The following ATL2 variants were observed in gnomAD, a reference collection of about 807,000 sequenced individuals.
ATL2 encodes atlastin GTPase 2.
ATL2 carries 31 observed loss-of-function variants against 73.9 expected under a neutral mutation model. That is an observed-to-expected ratio of 0.42 (90% CI 0.32 to 0.57). ATL2 has a LOEUF of 0.57. Among genes scored for constraint, ATL2 ranks in the 20% least tolerant of loss-of-function variants. The probability of loss-of-function intolerance (pLI) is 0.14; values close to 1 mark genes in which losing one functional copy is unlikely to be tolerated. For missense variants in ATL2, 738 were observed against 702.6 expected (o/e 1.05, Z -0.57); for synonymous variants, 291 against 237.5 (o/e 1.23, Z -2.07).
chr2:38,318,707 T>C (rs2148436738), intron 3 of ATL2, 68 bp from the exon 4 acceptor site: 1 of 1,397,258 alleles, frequency 7.2e-7, no homozygotes, highest in East Asian at 2.3e-5. Context: ...AAAAATCAAA[T>C]GATAAATTTG....
Position 38,298,481 on chromosome 2 carries a change from A to G in ATL2, c.1295T>C (p.Val432Ala), listed in dbSNP as rs758975947. ...KEVAIKQFRS[V>A]KKMGGDEFCR... ...GAACTCATCTCCACCCATCTTTTTT[A>G]CTGAACGAAATTGTTTTATCGCCAC... The change falls in exon 12 of 13, where the codon GTA becomes GCA. Residue 432 changes from valine (V) to alanine (A), a missense_variant. Transcript: ENST00000378954. The G allele has an allele frequency of 6.2e-7, 1 of 1,614,178 alleles. No individual in the cohort carries two copies. Among genetic ancestry groups the G allele is most frequent in the Non-Finnish European group, 8.5e-7 (1 of 1,179,998 alleles).
chr2:38,328,997 G>A (rs1349167829), intron 2 of ATL2, among the ~76,000 whole-genome samples: 1 of 151,044 alleles, frequency 6.6e-6, no homozygotes, highest in Non-Finnish European at 1.5e-5. Flanking sequence ...CTAATTCCTT[G>A]AACATTAAAA....
intron 1 of ATL2, among the ~76,000 whole-genome samples, chr2:38,369,644 C>A (rs1051019542): frequency 6.6e-6 from 1 of 151,532 alleles, no homozygotes; most frequent in Non-Finnish European, 1.5e-5. Context: ...CCCAGCTACT[C>A]AGGAGACTAA....
At position 38,294,091 on chromosome 2, in the gene ATL2, G is replaced by A. The variant is rs1043483741; in HGVS notation, c.*1903C>T. On this transcript the variant is annotated 3_prime_UTR_variant, in exon 13 of 13. Coordinates refer to ENST00000378954, the MANE Select transcript of ATL2 (RefSeq NM_001135673.4). ...AGAAATAAAAAGACACTTTTCAGGT[G>A]GATTCTTTAAGAACAGATAAGTTAG... Among the ~76,000 whole-genome samples, 21 of 152,126 alleles carry A rather than the reference G, an allele frequency of 1.4e-4. No homozygotes were observed. The highest frequency in any genetic ancestry group is 4.8e-4 in the African/African-American group (20 of 41,414).
At position 38,336,261 on chromosome 2, in the gene ATL2, G is replaced by A. The variant is rs77277108; in HGVS notation, c.363+7007C>T. On this transcript the variant is annotated intron_variant, in intron 2 of 12. Coordinates refer to ENST00000378954, the MANE Select transcript of ATL2 (RefSeq NM_001135673.4). ...TATTTGTGCTTGTGGCAAGTTATATGTAGCAGTGCGTATGATTCTTAAAGA... is the reference window on the plus strand; with the variant it reads ...TATTTGTGCTTGTGGCAAGTTATATATAGCAGTGCGTATGATTCTTAAAGA... Among the ~76,000 whole-genome samples the A allele has an allele frequency of 4.2e-3, 642 of 152,350 alleles. 9 individuals carry two copies. Among genetic ancestry groups the A allele is most frequent in the Middle Eastern group, 0.01 (3 of 294 alleles).
intron 2 of ATL2, among the ~76,000 whole-genome samples, chr2:38,321,032 G>A (rs975569818): frequency 1.3e-5 from 2 of 151,832 alleles, no homozygotes; most frequent in Non-Finnish European, 2.9e-5. Context: ...GCACATGCCT[G>A]TAATCCCAGC....
At chr2:38,341,029 C>T (rs1306802233) in intron 2 of ATL2, among the ~76,000 whole-genome samples, 1 of 152,156 alleles carries the variant, frequency 6.6e-6, no homozygotes, top group South Asian at 2.1e-4. Flanking sequence ...TCTGAACAGC[C>T]ACTACTAACT....
At chr2:38,367,479 G>A (rs1472869261) in intron 1 of ATL2, among the ~76,000 whole-genome samples, 6 of 149,220 alleles carry the variant, frequency 4.0e-5, no homozygotes, top group East Asian at 2.1e-4. Context: ...GGTGGCGGGC[G>A]CCTGTAGTCC....
At chr2:38,306,229 T>C (rs1667439916) in intron 9 of ATL2, among the ~76,000 whole-genome samples, 1 of 152,100 alleles carries the variant, frequency 6.6e-6, no homozygotes, top group Non-Finnish European at 1.5e-5. Flanking sequence ...CAATAACAAG[T>C]AACGAGATCA....
intron 1 of ATL2, among the ~76,000 whole-genome samples, chr2:38,375,281 T>C (rs1671897910): frequency 6.6e-6 from 1 of 152,172 alleles, no homozygotes; most frequent in East Asian, 1.9e-4. Flanking sequence ...TAAACACAAA[T>C]CCTACCAAGC....
In ATL2 at chr2:38,301,398, C is replaced by A. The variant is rs192519844; in HGVS notation, c.1072-1070G>T. On this transcript the variant is annotated intron_variant, in intron 9 of 12. Coordinates refer to ENST00000378954, the MANE Select transcript of ATL2 (RefSeq NM_001135673.4). ...AATTGACAACTATCTACATAAAAAA[C>A]CACCTTCATAAGAACCAAAAATCAG... Among the ~76,000 whole-genome samples the A allele has an allele frequency of 2.0e-4, 31 of 152,328 alleles. No individual in the cohort carries two copies. The East Asian group carries it at 5.2e-3, about 26-fold the overall frequency.
At chr2:38,332,885 T>C (rs1669080942) in intron 2 of ATL2, among the ~76,000 whole-genome samples, 1 of 152,106 alleles carries the variant, frequency 6.6e-6, no homozygotes, top group Non-Finnish European at 1.5e-5. Flanking sequence ...GGAAAGAAAT[T>C]TGTGAGAACA....
At chr2:38,326,739 G>A (rs1668683891) in intron 2 of ATL2, among the ~76,000 whole-genome samples, 1 of 152,172 alleles carries the variant, frequency 6.6e-6, no homozygotes, top group South Asian at 2.1e-4. Context: ...TATAATCCCA[G>A]CACTCGGGGA....
At chr2:38,349,625 CACTA>C (rs1558439195) in intron 1 of ATL2, among the ~76,000 whole-genome samples, 1 of 150,586 alleles carries the variant, frequency 6.6e-6, no homozygotes, top group East Asian at 1.9e-4. Context: ...ATACATATGT[CACTA>C]ACCTGCACAT....
In ATL2 at chr2:38,296,096, A is replaced by C; in HGVS notation, c.1650T>G (p.Gly550=). The change falls in exon 13 of 13, where the codon GGT becomes GGG. Residue 550 remains glycine (G), a synonymous_variant. Coordinates refer to ENST00000378954, the MANE Select transcript of ATL2 (RefSeq NM_001135673.4). ...TTATGTTTTCCTCCATCAAATTATC[A>C]CCCAGGGGCTTCAATACCTGTGGTA... ...TLWEQVLKPL[G]DNLMEENIRQ... The C allele has an allele frequency of 6.4e-7, 1 of 1,551,244 alleles. No individual in the cohort carries two copies.
chr2:38,308,047 G>A (rs1361369423), intron 9 of ATL2, among the ~76,000 whole-genome samples: 1 of 152,154 alleles, frequency 6.6e-6, no homozygotes, highest in Non-Finnish European at 1.5e-5. Flanking sequence ...ACAGTTTGGG[G>A]GTTCCTCAAA....
At position 38,318,540 on chromosome 2, in the gene ATL2, C is replaced by A; in HGVS notation, c.598G>T (p.Val200Phe). The change falls in exon 4 of 13, where the codon GTC (valine) becomes TTC (phenylalanine). Residue 200 changes from valine (V) to phenylalanine (F), a missense_variant. Transcript: ENST00000378954. ...CACTTAATCTTGTGTCTCACCTGGA[C>A]AGAGCTAGTCATAGTGCTCAGAGCA... ...VFALSTMTSSVQVYNLSQNIQ... is the reference protein window; with the variant it reads ...VFALSTMTSSFQVYNLSQNIQ... 1 of 1,590,482 alleles carries A rather than the reference C, an allele frequency of 6.3e-7. No homozygotes were observed. The highest frequency in any genetic ancestry group is 8.5e-7 in the Non-Finnish European group (1 of 1,172,514).
intron 2 of ATL2, among the ~76,000 whole-genome samples, chr2:38,338,106 A>C (rs553533741): frequency 6.6e-6 from 1 of 152,340 alleles, no homozygotes; most frequent in African/African-American, 2.4e-5. Context: ...TTCACTTTGA[A>C]AAGGTTTAAA....
chr2:38,340,040 A>G (rs772991525), intron 2 of ATL2, among the ~76,000 whole-genome samples: 1 of 152,132 alleles, frequency 6.6e-6, no homozygotes, highest in Non-Finnish European at 1.5e-5. Flanking sequence ...AAACATGAGT[A>G]CATCTCAAAG....
Sources: allele counts gnomAD v4.1 joint callset (sites outside exome capture counted in the v4.1 genomes callset), GRCh38; gene constraint gnomAD v4.1.1; transcripts MANE v1.5; gene names NCBI Gene and HGNC (gene_info 2026-07-23, HGNC 2026-07-21).